Variants in UNC5A observed in about 807,000 individuals in gnomAD.
The protein encoded by UNC5A is unc-5 netrin receptor A, also known as netrin receptor UNC5A.
In UNC5A, 20 loss-of-function variants were observed where a neutral mutation model predicts 87.4. That is an observed-to-expected ratio of 0.23 (90% CI 0.16 to 0.33). UNC5A has a LOEUF of 0.33. Ranked by LOEUF, UNC5A falls within the 10% of genes least tolerant of loss-of-function variation. The pLI is 1.00. For synonymous variants in UNC5A, 438 were observed against 482.3 expected (o/e 0.91, Z 1.20); for missense variants, 844 against 1,133.4 (o/e 0.74, Z 3.67).
chr5:176,861,800 T>TG (rs1259356879), intron 1 of UNC5A, among the ~76,000 whole-genome samples: 4 of 130,484 alleles, frequency 3.1e-5, no homozygotes, highest in African/African-American at 6.0e-5. Context: ...TGCGCATTGG[T>TG]GGGGGGATCA....
intron 2 of UNC5A, among the ~76,000 whole-genome samples, chr5:176,867,662 G>A (rs182343158): frequency 3.3e-5 from 5 of 152,256 alleles, no homozygotes; most frequent in South Asian, 2.1e-4. Context: ...ATATTATCAC[G>A]TCAGGATCTA....
chr5:176,843,962 C>T lies in UNC5A; in HGVS notation c.71-18662C>T, dbSNP rs895046683. On this transcript the variant is annotated intron_variant, in intron 1 of 14. Transcript: ENST00000329542. ...TGTGAGGCGCTCAGCGACACGTTAG[C>T]AAGAAAGATGCCACAAGAAATAAAG... is the stretch of plus-strand genomic sequence containing the variant. Among the ~76,000 whole-genome samples the T allele has an allele frequency of 3.3e-5, 5 of 152,242 alleles. No individual in the cohort carries two copies. In the East Asian group the frequency reaches 9.6e-4, roughly 29 times the overall value.
chr5:176,841,238 C>T lies in UNC5A; in HGVS notation c.71-21386C>T, dbSNP rs899481317. Among the ~76,000 whole-genome samples, 7 of 152,212 alleles carry T rather than the reference C, an allele frequency of 4.6e-5. No individual in the cohort carries two copies. Among genetic ancestry groups the T allele is most frequent in the East Asian group, 3.8e-4 (2 of 5,206 alleles). ...ATTTCCTTTGAGCCACAGAGCTGCT[C>T]AGTGACACAGGTGATTGTGGGTGCC... On this transcript the variant is annotated intron_variant, in intron 1 of 14. Transcript: ENST00000329542. This position sits in a 1 kb window ranked among gnomAD's most constrained non-coding sequence, Gnocchi z 4.1.
At chr5:176,831,776 C>T (rs1420124772) in intron 1 of UNC5A, among the ~76,000 whole-genome samples, 1 of 152,170 alleles carries the variant, frequency 6.6e-6, no homozygotes, top group African/African-American at 2.4e-5. Context: ...CCCACCCATC[C>T]CCACTGCTGT....
intron 1 of UNC5A, among the ~76,000 whole-genome samples, chr5:176,853,725 C>A (rs562471541): frequency 6.6e-6 from 1 of 152,354 alleles, no homozygotes; most frequent in Non-Finnish European, 1.5e-5. Flanking sequence ...GGAGACACTG[C>A]CCTCTCCCCA....
intron 1 of UNC5A, among the ~76,000 whole-genome samples, chr5:176,811,608 G>A (rs1756456776): frequency 6.7e-6 from 1 of 150,336 alleles, no homozygotes; most frequent in Admixed American, 6.6e-5. Context: ...CCCTTGGGAG[G>A]GGCTTGGGGG....
chr5:176,863,324 C>T (rs1188628597), intron 2 of UNC5A, among the ~76,000 whole-genome samples: 2 of 152,212 alleles, frequency 1.3e-5, no homozygotes, highest in Non-Finnish European at 2.9e-5. Flanking sequence ...AGGCAGACGC[C>T]GGCATGCCGG....
chr5:176,827,094 T>C (rs1244727850), intron 1 of UNC5A, among the ~76,000 whole-genome samples: 1 of 152,022 alleles, frequency 6.6e-6, no homozygotes, highest in Non-Finnish European at 1.5e-5. Context: ...TTTGTGGTCC[T>C]CTGTGCCTGG....
intron 1 of UNC5A, among the ~76,000 whole-genome samples, chr5:176,859,904 T>C (rs1757792540): frequency 6.6e-6 from 1 of 152,242 alleles, no homozygotes; most frequent in Non-Finnish European, 1.5e-5. Flanking sequence ...CCGGGGCCAC[T>C]GTGGCGTGAC....
chr5:176,864,922 T>A, intron 2 of UNC5A: 1 of 438,308 alleles, frequency 2.3e-6, no homozygotes, highest in South Asian at 1.6e-5. Context: ...GCCAGAGGCC[T>A]CCCTGCCCAG....
At chr5:176,876,212 G>T (rs1388774501) in intron 8 of UNC5A, among the ~76,000 whole-genome samples, 2 of 152,236 alleles carry the variant, frequency 1.3e-5, no homozygotes, top group Non-Finnish European at 2.9e-5. Context: ...TTCCTGCGAG[G>T]ATGTCTGGCA....
chr5:176,877,110 G>C, intron 8 of UNC5A, 82 bp from the exon 9 acceptor site: 1 of 1,179,756 alleles, frequency 8.5e-7, no homozygotes, highest in Non-Finnish European at 1.2e-6. Flanking sequence ...GTCCTCACAG[G>C]AAGGCTCCTG....
chr5:176,880,591 C>T lies in UNC5A; in HGVS notation c.*705C>T, dbSNP rs1416559275. On this transcript the variant is annotated 3_prime_UTR_variant, in exon 15 of 15. Transcript: ENST00000329542. ...GCCCTCTCCACCCACCCAGGGACAC[C>T]CCACGGCTCCTCCCTGCCCCTGCCC... The T allele has an allele frequency of 6.3e-6, 1 of 157,666 alleles. No homozygotes were observed. Among genetic ancestry groups the T allele is most frequent in the Non-Finnish European group, 1.4e-5 (1 of 71,552 alleles). 9.8% of individuals were successfully genotyped at this position (157,666 alleles called of 1,614,324 possible).
In UNC5A at chr5:176,878,399, G is replaced by A. The variant is rs1758321106; in HGVS notation, c.2019+6G>A. ...AGCTCCTTGTCAGCTACCAGGTGAG[G>A]GCCAGGGCCGTGGCCAGCGCACAAG... On this transcript the variant is annotated splice_donor_region_variant and intron_variant, in intron 12 of 14. Coordinates refer to ENST00000329542, the MANE Select transcript of UNC5A (RefSeq NM_133369.3). The A allele has an allele frequency of 1.2e-6, 2 of 1,613,434 alleles. No homozygotes were observed. The highest frequency in any genetic ancestry group is 1.7e-4 in the Middle Eastern group (1 of 6,060).
At chr5:176,843,032 G>GTGCCT (rs982411040) in intron 1 of UNC5A, among the ~76,000 whole-genome samples, 1 of 151,900 alleles carries the variant, frequency 6.6e-6, no homozygotes, top group African/African-American at 2.4e-5. Flanking sequence ...GTGGTGATGG[G>GTGCCT]TGCCTGTAAT....
intron 1 of UNC5A, among the ~76,000 whole-genome samples, chr5:176,857,036 T>C (rs2962784): frequency 1 from 152,203 of 152,344 alleles, 76,031 homozygotes; most frequent in Middle Eastern, 1. Context: ...GCACACTCTG[T>C]AGCCTGGCCT....
rs985755574 is a variant in UNC5A, at chr5:176,848,118, G to A, written c.71-14506G>A. Reference sequence around the variant, plus strand: ...AGCTGACCAGCAGCCCCCACGCTGCGGCCTCCTCCAGGCTGGTTTCCTAGA... The same window carrying A: ...AGCTGACCAGCAGCCCCCACGCTGCAGCCTCCTCCAGGCTGGTTTCCTAGA... On this transcript the variant is annotated intron_variant, in intron 1 of 14. Transcript: ENST00000329542. This position sits in a 1 kb window ranked among gnomAD's most constrained non-coding sequence, Gnocchi z 5.8. Among the ~76,000 whole-genome samples the A allele has an allele frequency of 3.3e-5, 5 of 151,458 alleles. No individual in the cohort carries two copies. The highest frequency in any genetic ancestry group is 2.0e-4 in the Admixed American group (3 of 15,144).
At chr5:176,860,518 G>A (rs1349338553) in intron 1 of UNC5A, among the ~76,000 whole-genome samples, 1 of 152,214 alleles carries the variant, frequency 6.6e-6, no homozygotes, top group African/African-American at 2.4e-5. Flanking sequence ...AGGGCTGGCC[G>A]GTGGCTGCCA....
intron 13 of UNC5A, 81 bp from the exon 14 acceptor site, chr5:176,879,229 G>A: frequency 2.0e-6 from 3 of 1,475,042 alleles, no homozygotes; most frequent in Non-Finnish European, 2.7e-6. Context: ...GGGGAGTCTG[G>A]GAGCTCCCCC....
Sources: gnomAD v4.1 joint callset for allele counts (sites outside exome capture counted in the v4.1 genomes callset) on GRCh38, gnomAD v4.1.1 for gene constraint, Gnocchi (gnomAD v3.1) non-coding constraint, MANE v1.5 for transcripts, NCBI Gene and HGNC (gene_info 2026-07-23, HGNC 2026-07-21) for gene names.